LRRTM4: variants seen among roughly 807,000 people sequenced by gnomAD.
LRRTM4 encodes the protein leucine-rich repeat transmembrane neuronal protein 4.
Under a neutral mutation model 47.6 loss-of-function variants are expected in LRRTM4, and 25 were observed. That is an observed-to-expected ratio of 0.53 (90% confidence interval 0.38 to 0.73). LRRTM4 has a LOEUF of 0.73. Among genes scored for constraint, LRRTM4 ranks in the 30% least tolerant of loss-of-function variants. The pLI is 0.00. For synonymous variants in LRRTM4, 311 were observed against 269.5 expected (o/e 1.15, Z -1.51); for missense variants, 638 against 713.4 (o/e 0.89, Z 1.20).
intron 3 of LRRTM4, among the ~76,000 whole-genome samples, chr2:76,910,990 C>G (rs904014935): frequency 2.0e-5 from 3 of 152,172 alleles, no homozygotes; most frequent in African/African-American, 7.2e-5. Flanking sequence ...TTGCTGAACA[C>G]TAATGCAGTG....
intron 3 of LRRTM4, among the ~76,000 whole-genome samples, chr2:77,140,683 C>G (rs1672095674): frequency 6.6e-6 from 1 of 152,290 alleles, no homozygotes; most frequent in Middle Eastern, 3.4e-3. Flanking sequence ...TCACAGTGAA[C>G]AGGCAACCTA....
rs79915718 is a variant in LRRTM4 at position 77,229,193 on chromosome 2, A to G, written c.1551+289125T>C. 7.8e-3 allele frequency among the ~76,000 whole-genome samples: 1,180 copies of G among 152,164 alleles called. 18 individuals carry two copies. Among genetic ancestry groups the G allele is most frequent in the African/African-American group, 0.025 (1,037 of 41,532 alleles). ...TGCTTAATGATACTTGCATTCATAA[A>G]TTGTAAAATTAGAATGTCCTAGTTT... On this transcript the variant is annotated intron_variant, in intron 3 of 3. Coordinates refer to ENST00000409884, the MANE Select transcript of LRRTM4 (RefSeq NM_001134745.3).
chr2:76,795,564 CATGTGCATATATAT>C (rs1355774678), intron 3 of LRRTM4, among the ~76,000 whole-genome samples: 7 of 146,366 alleles, frequency 4.8e-5, no homozygotes, highest in African/African-American at 7.6e-5. Context: ...TGCATATATA[CATGTGCATATATAT>C]GCACACACAC....
chr2:77,196,266 G>C (rs1227690312), intron 3 of LRRTM4, among the ~76,000 whole-genome samples: 2 of 152,058 alleles, frequency 1.3e-5, no homozygotes, highest in Non-Finnish European at 2.9e-5. Flanking sequence ...ATAAGATCAG[G>C]GTAATAGGCA....
intron 3 of LRRTM4, among the ~76,000 whole-genome samples, chr2:77,054,162 C>A (rs1012386485): frequency 6.7e-6 from 1 of 149,894 alleles, no homozygotes; most frequent in Admixed American, 6.6e-5. Context: ...GAGTCAGTAA[C>A]AGGGCAGGCC....
intron 3 of LRRTM4, among the ~76,000 whole-genome samples, chr2:77,082,798 G>C (rs898782910): frequency 6.6e-6 from 1 of 151,844 alleles, no homozygotes; most frequent in African/African-American, 2.4e-5. Flanking sequence ...ATGATGTCAC[G>C]TATTTGCTCT....
chr2:77,401,767 G>A (rs1475640436), intron 3 of LRRTM4, among the ~76,000 whole-genome samples: 1 of 151,782 alleles, frequency 6.6e-6, no homozygotes. Context: ...ATATATTTTT[G>A]TATTCAGAAG....
At position 77,251,172 on chromosome 2, in the gene LRRTM4, TGTGTGTGTATATATATACACACACACAC is replaced by T. The variant is rs537348739; in HGVS notation, c.1551+267118_1551+267145del. 1.9e-3 allele frequency among the ~76,000 whole-genome samples: 81 copies of T among 42,878 alleles called. No individual in the cohort carries two copies. The South Asian group carries it at 0.05, about 27-fold the overall frequency. The allele number at this position is 42,878 out of a possible 152,430, so 28.1% of individuals were successfully genotyped here. On this transcript the variant is annotated intron_variant, in intron 3 of 3. Transcript: ENST00000409884. ...GTGTGTATATATACATATATATGTG[TGTGTGTGTATATATATACACACACACAC>T]ATATATATGTATATATGTGTATATA...
chr2:76,987,375 A>G (rs1200382969), intron 3 of LRRTM4: 1 of 151,898 alleles, frequency 6.6e-6, no homozygotes. Context: ...AATTGACCTT[A>G]TATGTCTATA....
chr2:77,480,841 GAGAGA>G (rs1421966985), intron 3 of LRRTM4, among the ~76,000 whole-genome samples: 53 of 77,752 alleles, frequency 6.8e-4, no homozygotes, highest in African/African-American at 2.9e-3. Context: ...GAGAGAGAGA[GAGAGA>G]GAGAGAGAGA....
At chr2:77,088,029 C>T (rs183816674) in intron 3 of LRRTM4, among the ~76,000 whole-genome samples, 1 of 152,204 alleles carries the variant, frequency 6.6e-6, no homozygotes, top group East Asian at 1.9e-4. Flanking sequence ...GAAGCAGGGA[C>T]AACAAATACA....
At chr2:76,924,042 A>G (rs183293420) in intron 3 of LRRTM4, among the ~76,000 whole-genome samples, 20 of 152,160 alleles carry the variant, frequency 1.3e-4, no homozygotes, top group Admixed American at 9.2e-4. Context: ...TCTATTGGGA[A>G]TATGTGCTGA....
At chr2:77,363,582 T>C (rs1440676042) in intron 3 of LRRTM4, among the ~76,000 whole-genome samples, 2 of 152,192 alleles carry the variant, frequency 1.3e-5, no homozygotes, top group African/African-American at 4.8e-5. Flanking sequence ...CCTGTCATCC[T>C]GGTATGGTTT....
chr2:76,988,198 C>T (rs1459347083), intron 3 of LRRTM4, among the ~76,000 whole-genome samples: 1 of 151,740 alleles, frequency 6.6e-6, no homozygotes, highest in African/African-American at 2.4e-5. Flanking sequence ...CTTCGTCTTC[C>T]TATTTTTTTG....
At chr2:77,288,262 GGAAA>G (rs1479826717) in intron 3 of LRRTM4, among the ~76,000 whole-genome samples, 1 of 150,980 alleles carries the variant, frequency 6.6e-6, no homozygotes, top group Non-Finnish European at 1.5e-5. Context: ...AGAAGAGATA[GGAAA>G]GAAAGTTAAA....
At chr2:77,320,229 A>G (rs1189930201) in intron 3 of LRRTM4, among the ~76,000 whole-genome samples, 1 of 152,208 alleles carries the variant, frequency 6.6e-6, no homozygotes, top group Non-Finnish European at 1.5e-5. Context: ...CACAGACATG[A>G]GGGTACTTTA....
chr2:77,498,851 T>A (rs1678461855), intron 3 of LRRTM4, among the ~76,000 whole-genome samples: 1 of 151,858 alleles, frequency 6.6e-6, no homozygotes, highest in Non-Finnish European at 1.5e-5. Flanking sequence ...ATCAACAAAA[T>A]CCTAATGCCA....
At chr2:76,760,167 C>T (rs1034889873) in intron 3 of LRRTM4, among the ~76,000 whole-genome samples, 1 of 152,106 alleles carries the variant, frequency 6.6e-6, no homozygotes, top group Non-Finnish European at 1.5e-5. Context: ...TCTGTACGAT[C>T]TCCCACCCAT....
chr2:77,201,802 T>G (rs1484219591), intron 3 of LRRTM4, among the ~76,000 whole-genome samples: 1 of 152,142 alleles, frequency 6.6e-6, no homozygotes, highest in Non-Finnish European at 1.5e-5. Flanking sequence ...TAAATAGCCA[T>G]GAACCTAACC....
Sources: gnomAD v4.1 joint callset for allele counts (sites outside exome capture counted in the v4.1 genomes callset) on GRCh38, gnomAD v4.1.1 for gene constraint, MANE v1.5 for transcripts, NCBI Gene and HGNC (gene_info 2026-07-23, HGNC 2026-07-21) for gene names.